SGCZ: variants seen among roughly 807,000 people sequenced by gnomAD.
SGCZ encodes the protein sarcoglycan zeta, also known as zeta-sarcoglycan.
A neutral mutation model predicts 41.3 loss-of-function variants in SGCZ; 40 were observed. That is an observed-to-expected ratio of 0.97 (90% confidence interval 0.75 to 1.26). SGCZ has a LOEUF of 1.26. SGCZ is among the 50% of genes most tolerant of loss of function. The probability of loss-of-function intolerance (pLI) is 0.00; values close to 1 mark genes in which losing one functional copy is unlikely to be tolerated. For synonymous variants in SGCZ, 206 were observed against 137.5 expected, an observed-to-expected ratio of 1.50 and a Z score of -3.49; for missense variants, 552 against 369.8, an observed-to-expected ratio of 1.49 and a Z score of -4.04.
At chr8:15,172,728 T>C (rs986468150) in intron 1 of SGCZ, among the ~76,000 whole-genome samples, 3 of 152,178 alleles carry the variant, frequency 2.0e-5, no homozygotes, top group African/African-American at 7.2e-5. Context: ...TTTACCTTTA[T>C]CAACATGCGT....
intron 1 of SGCZ, among the ~76,000 whole-genome samples, chr8:14,717,029 G>C (rs1307237973): frequency 6.6e-6 from 1 of 151,986 alleles, no homozygotes; most frequent in African/African-American, 2.4e-5. Flanking sequence ...AATCCACTGA[G>C]AAACTACATT....
intron 1 of SGCZ, among the ~76,000 whole-genome samples, chr8:15,146,728 T>A (rs1799046683): frequency 6.6e-6 from 1 of 152,192 alleles, no homozygotes; most frequent in Admixed American, 6.5e-5. Flanking sequence ...GTACTATTTT[T>A]TTAAATTATG....
chr8:14,846,139 A>T (rs1324785589), intron 1 of SGCZ, among the ~76,000 whole-genome samples: 1 of 152,196 alleles, frequency 6.6e-6, no homozygotes, highest in Non-Finnish European at 1.5e-5. Flanking sequence ...ACAGTAAGGT[A>T]GTCAGTACAT....
chr8:14,669,525 CTATGAG>C (rs1343358957), intron 1 of SGCZ, among the ~76,000 whole-genome samples: 5 of 152,110 alleles, frequency 3.3e-5, no homozygotes, highest in Admixed American at 1.3e-4. Flanking sequence ...CTCTCTATTT[CTATGAG>C]TATAACAACA....
intron 3 of SGCZ, among the ~76,000 whole-genome samples, chr8:14,301,180 C>G (rs572702301): frequency 6.6e-6 from 1 of 152,058 alleles, no homozygotes; most frequent in Non-Finnish European, 1.5e-5. Flanking sequence ...TTAGTATTAA[C>G]ATGTACAACC....
At chr8:15,187,032 A>G (rs1197714252) in intron 1 of SGCZ, among the ~76,000 whole-genome samples, 1 of 152,166 alleles carries the variant, frequency 6.6e-6, no homozygotes, top group Non-Finnish European at 1.5e-5. Context: ...CATTACGTCC[A>G]ATGATTTCCA....
chr8:14,216,804 C>T (rs1468467694), intron 4 of SGCZ, among the ~76,000 whole-genome samples: 3 of 152,184 alleles, frequency 2.0e-5, no homozygotes, highest in East Asian at 3.9e-4. Flanking sequence ...AAATCAGTAA[C>T]AAGAAAAGCA....
At chr8:14,582,596 G>C (rs996989696) in intron 1 of SGCZ, among the ~76,000 whole-genome samples, 3 of 148,772 alleles carry the variant, frequency 2.0e-5, no homozygotes, top group South Asian at 2.1e-4. Context: ...TGCCATGCTG[G>C]TGTGCTGCCC....
intron 5 of SGCZ, among the ~76,000 whole-genome samples, chr8:14,134,761 C>G (rs1803146194): frequency 6.6e-6 from 1 of 152,106 alleles, no homozygotes; most frequent in Non-Finnish European, 1.5e-5. Context: ...TTTCACATTT[C>G]TGTTTTTTTA....
At chr8:14,888,935 T>C (rs1005008997) in intron 1 of SGCZ, among the ~76,000 whole-genome samples, 2 of 152,174 alleles carry the variant, frequency 1.3e-5, no homozygotes, top group Non-Finnish European at 2.9e-5. Context: ...TAAAACTTGG[T>C]GCATATTTCA....
At chr8:14,454,677 G>C (rs2116934841) in intron 2 of SGCZ, among the ~76,000 whole-genome samples, 1 of 152,218 alleles carries the variant, frequency 6.6e-6, no homozygotes, top group Middle Eastern at 3.4e-3. Context: ...GCATGGTATT[G>C]ATACAGAAAT....
chr8:14,387,048 G>A (rs571399966), intron 2 of SGCZ, among the ~76,000 whole-genome samples: 4 of 152,306 alleles, frequency 2.6e-5, no homozygotes, highest in East Asian at 1.9e-4. Flanking sequence ...AGTTAAAAAT[G>A]TGAAAACACA....
At chr8:15,043,730 A>C (rs1007254204) in intron 1 of SGCZ, among the ~76,000 whole-genome samples, 15 of 152,142 alleles carry the variant, frequency 9.9e-5, no homozygotes, top group Admixed American at 6.6e-5. Context: ...CTTTAGAATA[A>C]TCACAAGATA....
intron 3 of SGCZ, among the ~76,000 whole-genome samples, chr8:14,269,210 A>T (rs1799977422): frequency 6.6e-6 from 1 of 152,136 alleles, no homozygotes; most frequent in Admixed American, 6.5e-5. Flanking sequence ...GCACTTTCAC[A>T]CCTCAAATAT....
intron 1 of SGCZ, among the ~76,000 whole-genome samples, chr8:14,753,964 T>C (rs538598791): frequency 6.6e-6 from 1 of 152,170 alleles, no homozygotes; most frequent in Non-Finnish European, 1.5e-5. Context: ...AGTCTTTAAA[T>C]ATGAAATAAA....
intron 1 of SGCZ, among the ~76,000 whole-genome samples, chr8:14,600,397 G>A (rs939414468): frequency 6.6e-6 from 1 of 152,070 alleles, no homozygotes; most frequent in African/African-American, 2.4e-5. Context: ...GATGAGTTGT[G>A]TACTCCACAT....
chr8:14,800,909 A>G (rs1334849405), intron 1 of SGCZ, among the ~76,000 whole-genome samples: 3 of 37,220 alleles, frequency 8.1e-5, no homozygotes, highest in Non-Finnish European at 1.1e-4. Flanking sequence ...AAAACATCAG[A>G]AAAAAGATGA....
At chr8:15,152,632 G>T (rs1322899205) in intron 1 of SGCZ, among the ~76,000 whole-genome samples, 1 of 152,132 alleles carries the variant, frequency 6.6e-6, no homozygotes, top group African/African-American at 2.4e-5. Flanking sequence ...AAAACAGAGA[G>T]AATATAAATC....
chr8:14,613,229 T>C (rs1805987566), intron 1 of SGCZ, among the ~76,000 whole-genome samples: 1 of 152,174 alleles, frequency 6.6e-6, no homozygotes, highest in African/African-American at 2.4e-5. Flanking sequence ...TTAAATAGTA[T>C]GAAAGTTTAT....
Sources: allele counts gnomAD v4.1 joint callset (sites outside exome capture counted in the v4.1 genomes callset), GRCh38; gene constraint gnomAD v4.1.1; transcripts MANE v1.5; gene names NCBI Gene and HGNC (gene_info 2026-07-23, HGNC 2026-07-21).